OBI1: variants seen among roughly 807,000 people sequenced by gnomAD.
OBI1 encodes the protein ring finger protein 219.
In OBI1, 59 loss-of-function variants were observed where a neutral mutation model predicts 62.4. That is an observed-to-expected ratio of 0.95 (90% CI 0.77 to 1.17). OBI1 has a LOEUF of 1.17. OBI1 is among the 50% of genes most tolerant of loss of function. OBI1 has a pLI of 0.00. For synonymous variants in OBI1, 302 were observed against 292.8 expected (o/e 1.03, Z -0.32); for missense variants, 875 against 830.9 (o/e 1.05, Z -0.65).
At chr13:78,647,530 C>A (rs1390138681) in intron 1 of OBI1, among the ~76,000 whole-genome samples, 1 of 152,212 alleles carries the variant, frequency 6.6e-6, no homozygotes, top group African/African-American at 2.4e-5. Flanking sequence ...CCTTTGCTCA[C>A]ATGTTTTCTT....
chr13:78,616,575 TAAGGGACA>T lies in OBI1; in HGVS notation c.1178_1185del (p.Leu393Ter). 1 of 1,614,144 alleles carries T rather than the reference TAAGGGACA, an allele frequency of 6.2e-7. No homozygotes were observed. The highest frequency in any genetic ancestry group is 8.5e-7 in the Non-Finnish European group (1 of 1,180,024). On this transcript the variant is annotated frameshift_variant, in exon 6 of 6. Coordinates refer to ENST00000282003, the MANE Select transcript of OBI1 (RefSeq NM_024546.4). LOFTEE classifies it high-confidence loss of function. ...TCTGGAGTACTGAGCTGAAGGCAAC[TAAGGGACA>T]AAGGAGTACAAGGAGCTGGAAGATC... is the stretch of plus-strand genomic sequence containing the variant.
At chr13:78,617,811 G>T (rs1024931849) in intron 5 of OBI1, among the ~76,000 whole-genome samples, 1 of 151,954 alleles carries the variant, frequency 6.6e-6, no homozygotes, top group Non-Finnish European at 1.5e-5. Context: ...TGAAGTCAGT[G>T]CTTGTGATTC....
chr13:78,647,978 C>T (rs1876433562), intron 1 of OBI1, among the ~76,000 whole-genome samples: 1 of 139,510 alleles, frequency 7.2e-6, no homozygotes, highest in African/African-American at 2.6e-5. Flanking sequence ...TTGACAGATT[C>T]ATTAAAAAAA....
At chr13:78,623,799 T>C (rs764400840) in intron 5 of OBI1, among the ~76,000 whole-genome samples, 63 of 152,188 alleles carry the variant, frequency 4.1e-4, no homozygotes, top group Non-Finnish European at 8.5e-4. Context: ...GGAAGACATA[T>C]AGTATGTATG....
At chr13:78,634,987 C>T (rs1875975751) in intron 5 of OBI1, 123 bp downstream of exon 5, 1 of 548,610 alleles carries the variant, frequency 1.8e-6, no homozygotes, top group African/African-American at 2.0e-5. Flanking sequence ...CTTTTAAAGG[C>T]AAGACATTCT....
intron 5 of OBI1, chr13:78,620,687 T>C: frequency 2.2e-6 from 1 of 455,984 alleles, no homozygotes; most frequent in Non-Finnish European, 4.4e-6. Flanking sequence ...CTGTCCCTAG[T>C]AAAAGAGAAA....
Position 78,638,937 on chromosome 13 carries a change from G to A in OBI1, c.435C>T (p.Val145=), listed in dbSNP as rs1340615868. 5 of 1,613,912 alleles carry A rather than the reference G, an allele frequency of 3.1e-6. No individual in the cohort carries two copies. The highest frequency in any genetic ancestry group is 4.2e-6 in the Non-Finnish European group (5 of 1,179,938). ...GGTTAATTTTACTTGGATTATCTGTGACTAGATGTTTGTCTTCATTTTGGT... is the reference window on the plus strand; with the variant it reads ...GGTTAATTTTACTTGGATTATCTGTAACTAGATGTTTGTCTTCATTTTGGT... ...QGNQNEDKHL[V]TDNPSKINPE... The change falls in exon 4 of 6, where the codon GTC becomes GTT. Residue 145 remains valine (V), a synonymous_variant. Transcript: ENST00000282003.
intron 5 of OBI1, 75 bp from the exon 6 acceptor site, chr13:78,617,197 C>T (rs1254696615): frequency 8.6e-7 from 1 of 1,161,354 alleles, no homozygotes; most frequent in African/African-American, 1.5e-5. Context: ...TGCAAACTGT[C>T]CCAGGCTATT....
chr13:78,655,365 T>C (rs960681014), intron 1 of OBI1, among the ~76,000 whole-genome samples: 11 of 151,774 alleles, frequency 7.2e-5, no homozygotes, highest in African/African-American at 2.4e-4. Flanking sequence ...CAGGGAAGAA[T>C]AGGTAAGAAA....
At chr13:78,626,025 A>C (rs1043590196) in intron 5 of OBI1, among the ~76,000 whole-genome samples, 1 of 152,248 alleles carries the variant, frequency 6.6e-6, no homozygotes, top group Admixed American at 6.5e-5. Context: ...AAATGGAACT[A>C]ACTGCACAGC....
intron 5 of OBI1, among the ~76,000 whole-genome samples, chr13:78,630,090 T>C (rs1875800257): frequency 6.6e-6 from 1 of 152,164 alleles, no homozygotes; most frequent in Non-Finnish European, 1.5e-5. Flanking sequence ...AAAGCTGGGC[T>C]TAAGTTCTTT....
chr13:78,619,179 T>C (rs796143430), intron 5 of OBI1, among the ~76,000 whole-genome samples: 8 of 152,156 alleles, frequency 5.3e-5, no homozygotes, highest in African/African-American at 1.9e-4. Flanking sequence ...AGGATATCTT[T>C]GGGAACTTAG....
At chr13:78,656,858 C>T (rs190116975) in intron 1 of OBI1, among the ~76,000 whole-genome samples, 3 of 133,316 alleles carry the variant, frequency 2.3e-5, no homozygotes, top group East Asian at 2.3e-4. Flanking sequence ...AGTGCAATGG[C>T]GCGATCTCAG....
At chr13:78,653,413 T>G (rs1037345105) in intron 1 of OBI1, among the ~76,000 whole-genome samples, 4 of 152,214 alleles carry the variant, frequency 2.6e-5, no homozygotes, top group Non-Finnish European at 5.9e-5. Flanking sequence ...GGAATCTTAC[T>G]AATAAGCTAG....
At chr13:78,622,812 G>T (rs1207846373) in intron 5 of OBI1, among the ~76,000 whole-genome samples, 2 of 152,152 alleles carry the variant, frequency 1.3e-5, no homozygotes, top group African/African-American at 4.8e-5. Flanking sequence ...TCCTGGTACT[G>T]GTATCTATCT....
At chr13:78,631,050 T>A (rs1176625499) in intron 5 of OBI1, among the ~76,000 whole-genome samples, 2 of 152,200 alleles carry the variant, frequency 1.3e-5, no homozygotes, top group African/African-American at 4.8e-5. Context: ...TTTTTTACTG[T>A]AAAGCAGCAC....
chr13:78,643,954 A>G (rs1350952042), intron 2 of OBI1, among the ~76,000 whole-genome samples: 3 of 152,204 alleles, frequency 2.0e-5, no homozygotes, highest in African/African-American at 7.2e-5. Flanking sequence ...TTGCAACCTA[A>G]AATAAATAAC....
rs746107539 is a variant in OBI1 at position 78,659,134 on chromosome 13, ATCCCGCCAACACGGAAG to A, written c.-31_-15del. On this transcript the variant is annotated 5_prime_UTR_variant, in exon 1 of 6. Coordinates refer to ENST00000282003, the MANE Select transcript of OBI1 (RefSeq NM_024546.4). ...GGTCTGAGCCATGGCAGCGTTCAGA[ATCCCGCCAACACGGAAG>A]TCCCGCCGACCTACCGCTACTCTTC... 3 of 1,607,704 alleles carry A rather than the reference ATCCCGCCAACACGGAAG, an allele frequency of 1.9e-6. No individual in the cohort carries two copies. Among genetic ancestry groups the A allele is most frequent in the Non-Finnish European group, 2.5e-6 (3 of 1,177,234 alleles).
chr13:78,652,765 T>C (rs1876581621), intron 1 of OBI1, among the ~76,000 whole-genome samples: 1 of 152,176 alleles, frequency 6.6e-6, no homozygotes, highest in Admixed American at 6.5e-5. Flanking sequence ...ATGCTGCCTC[T>C]GATCTGACAG....
Sources: gnomAD v4.1 joint callset for allele counts (sites outside exome capture counted in the v4.1 genomes callset) on GRCh38, gnomAD v4.1.1 for gene constraint, MANE v1.5 for transcripts, NCBI Gene and HGNC (gene_info 2026-07-23, HGNC 2026-07-21) for gene names.